Variants in TRPM3 observed in about 807,000 individuals in gnomAD.
The protein encoded by TRPM3 is transient receptor potential cation channel subfamily M member 3.
A neutral mutation model predicts 181.2 loss-of-function variants in TRPM3; 77 were observed. That is an observed-to-expected ratio of 0.42 (90% CI 0.35 to 0.51). The LOEUF (loss-of-function observed/expected upper bound fraction) is 0.51. Among genes scored for constraint, TRPM3 ranks in the 20% least tolerant of loss-of-function variants. The pLI is 0.01. For synonymous variants in TRPM3, 745 were observed against 796.4 expected (o/e 0.94, Z 1.09); for missense variants, 1,759 against 2,196.7 (o/e 0.80, Z 3.98).
intron 1 of TRPM3, among the ~76,000 whole-genome samples, chr9:70,978,171 TTG>T (rs2097325648): frequency 6.6e-6 from 1 of 152,194 alleles, no homozygotes. Flanking sequence ...TTTAGAAGCT[TTG>T]TGTTAGGAAC....
At chr9:71,443,072 A>C (rs1303180887) in intron 1 of TRPM3, among the ~76,000 whole-genome samples, 1 of 152,238 alleles carries the variant, frequency 6.6e-6, no homozygotes, top group Admixed American at 6.5e-5. Context: ...CTATGAAATT[A>C]ATATACAACA....
chr9:71,145,230 A>G (rs2075339801), intron 1 of TRPM3, among the ~76,000 whole-genome samples: 1 of 152,174 alleles, frequency 6.6e-6, no homozygotes, highest in African/African-American at 2.4e-5. Flanking sequence ...AAAAATATAC[A>G]TGCTACCTTA....
intron 1 of TRPM3, among the ~76,000 whole-genome samples, chr9:71,177,557 G>T (rs1355548616): frequency 2.0e-5 from 3 of 152,150 alleles, no homozygotes; most frequent in African/African-American, 7.2e-5. Flanking sequence ...ATCGTTAAAT[G>T]ACCTACGACT....
chr9:70,974,321 C>T (rs1405601638), intron 1 of TRPM3, among the ~76,000 whole-genome samples: 4 of 151,960 alleles, frequency 2.6e-5, no homozygotes, highest in Non-Finnish European at 5.9e-5. Context: ...GGGGGGATCA[C>T]GAGGTCAGGA....
At chr9:70,804,479 C>T (rs1028622275) in intron 6 of TRPM3, among the ~76,000 whole-genome samples, 1 of 152,096 alleles carries the variant, frequency 6.6e-6, no homozygotes, top group African/African-American at 2.4e-5. Flanking sequence ...TTTTCTCTTT[C>T]TCTCATTAAT....
intron 1 of TRPM3, among the ~76,000 whole-genome samples, chr9:70,961,630 A>G (rs551680223): frequency 2.0e-5 from 3 of 152,188 alleles, no homozygotes; most frequent in South Asian, 4.1e-4. Context: ...GTATTATAAC[A>G]TTTCTACTAT....
At chr9:71,003,734 G>A (rs1590508574) in intron 1 of TRPM3, among the ~76,000 whole-genome samples, 1 of 152,130 alleles carries the variant, frequency 6.6e-6, no homozygotes, top group African/African-American at 2.4e-5. Flanking sequence ...CGGCAAGGTG[G>A]TGGAATGAAG....
intron 1 of TRPM3, among the ~76,000 whole-genome samples, chr9:71,315,821 C>A (rs983261994): frequency 6.6e-6 from 1 of 152,062 alleles, no homozygotes; most frequent in Non-Finnish European, 1.5e-5. Context: ...AAAACTAGAG[C>A]AAAATCTTGC....
intron 1 of TRPM3, among the ~76,000 whole-genome samples, chr9:71,347,493 T>C (rs575125470): frequency 6.6e-6 from 1 of 152,352 alleles, no homozygotes; most frequent in African/African-American, 2.4e-5. Flanking sequence ...CAGTGGTTGA[T>C]TTTAAATTTT....
chr9:70,876,699 A>G (rs1308028912), intron 1 of TRPM3, among the ~76,000 whole-genome samples: 1 of 151,930 alleles, frequency 6.6e-6, no homozygotes, highest in Non-Finnish European at 1.5e-5. Flanking sequence ...TGTTGCCAGA[A>G]TGAATTTCTG....
intron 1 of TRPM3, among the ~76,000 whole-genome samples, chr9:71,154,017 A>C (rs2075864252): frequency 6.6e-6 from 1 of 152,126 alleles, no homozygotes; most frequent in Non-Finnish European, 1.5e-5. Context: ...GTGAGAGTGA[A>C]CCTGTACAGA....
intron 3 of TRPM3, among the ~76,000 whole-genome samples, chr9:70,850,699 T>G (rs1352445847): frequency 1.3e-5 from 2 of 152,212 alleles, no homozygotes; most frequent in Non-Finnish European, 2.9e-5. Flanking sequence ...AATTTGGGTG[T>G]TCTGCTGAAT....
rs574166236 is a variant in TRPM3, at chr9:70,539,766, A to C, written c.3708-2361T>G. 2.6e-5 allele frequency among the ~76,000 whole-genome samples: 4 copies of C among 152,250 alleles called. No homozygotes were observed. In the South Asian group the frequency reaches 8.3e-4, roughly 32 times the overall value. On this transcript the variant is annotated intron_variant, in intron 25 of 25. Coordinates refer to ENST00000677713, the MANE Select transcript of TRPM3 (RefSeq NM_001366145.2). The stretch of plus-strand genomic sequence containing the variant: ...ATAGACTTGGAATTACTTTTTCACT[A>C]TCTAGCCTATGGAGTTTGATTTTGC...
At chr9:70,996,239 A>G (rs2097540544) in intron 1 of TRPM3, among the ~76,000 whole-genome samples, 1 of 152,220 alleles carries the variant, frequency 6.6e-6, no homozygotes, top group African/African-American at 2.4e-5. Context: ...GGGGTTAAGA[A>G]CTTTGATCTT....
chr9:71,203,941 G>T (rs1303710179), intron 1 of TRPM3, among the ~76,000 whole-genome samples: 2 of 152,020 alleles, frequency 1.3e-5, no homozygotes, highest in Non-Finnish European at 2.9e-5. Flanking sequence ...TGACAAACCT[G>T]ACAAAAAGAA....
At chr9:70,855,445 T>C (rs1034191799) in intron 3 of TRPM3, among the ~76,000 whole-genome samples, 7 of 152,176 alleles carry the variant, frequency 4.6e-5, no homozygotes, top group African/African-American at 7.2e-5. Context: ...TCAATGAAAA[T>C]GTAAAGGAAC....
chr9:70,845,301 A>G (rs930469957), intron 4 of TRPM3, among the ~76,000 whole-genome samples: 3 of 152,108 alleles, frequency 2.0e-5, no homozygotes, highest in Non-Finnish European at 4.4e-5. Flanking sequence ...GTGTGGTGGC[A>G]TGATCTTGGC....
intron 1 of TRPM3, among the ~76,000 whole-genome samples, chr9:71,336,521 A>G (rs1191797297): frequency 6.6e-6 from 1 of 152,216 alleles, no homozygotes; most frequent in Non-Finnish European, 1.5e-5. Context: ...AAATGGCCAT[A>G]CTGCCCAAAG....
chr9:71,390,299 T>C (rs2093032528), intron 1 of TRPM3, among the ~76,000 whole-genome samples: 1 of 152,054 alleles, frequency 6.6e-6, no homozygotes, highest in African/African-American at 2.4e-5. Flanking sequence ...ATGTTTTTTA[T>C]ACACATAAAG....
Sources: allele counts gnomAD v4.1 joint callset (sites outside exome capture counted in the v4.1 genomes callset), GRCh38; gene constraint gnomAD v4.1.1; transcripts MANE v1.5; gene names NCBI Gene and HGNC (gene_info 2026-07-23, HGNC 2026-07-21).